The following ZFAND6 variants were observed in gnomAD, a reference collection of about 807,000 sequenced individuals.
The protein encoded by ZFAND6 is zinc finger AN1-type containing 6.
ZFAND6 carries 12 observed loss-of-function variants against 24.5 expected under a neutral mutation model. That is an observed-to-expected ratio of 0.49 (90% confidence interval 0.31 to 0.79). The LOEUF is 0.79. ZFAND6 is among the 30% of genes least tolerant of loss of function. ZFAND6 has a pLI of 0.04. For missense variants in ZFAND6, 207 were observed against 245.9 expected, an observed-to-expected ratio of 0.84 and a Z score of 1.06; for synonymous variants, 92 against 81.5, an observed-to-expected ratio of 1.13 and a Z score of -0.69.
chr15:80,108,355 G>GA (rs1322638415), intron 2 of ZFAND6, among the ~76,000 whole-genome samples: 1 of 152,092 alleles, frequency 6.6e-6, no homozygotes, highest in Non-Finnish European at 1.5e-5. Context: ...CTACATAGTT[G>GA]AATTAAAAGC....
At chr15:80,134,113 T>C (rs1284133559) in intron 6 of ZFAND6, among the ~76,000 whole-genome samples, 1 of 151,638 alleles carries the variant, frequency 6.6e-6, no homozygotes, top group Non-Finnish European at 1.5e-5. Flanking sequence ...TCAGCCTCCC[T>C]AGTAGCTGGG....
chr15:80,110,286 C>T (rs2039542396), intron 2 of ZFAND6, among the ~76,000 whole-genome samples: 1 of 152,086 alleles, frequency 6.6e-6, no homozygotes, highest in African/African-American at 2.4e-5. Flanking sequence ...GAGGCTGGAA[C>T]AAACAGACAG....
intron 1 of ZFAND6, among the ~76,000 whole-genome samples, chr15:80,083,571 A>G (rs753654371): frequency 5.3e-5 from 8 of 152,216 alleles, no homozygotes; most frequent in Non-Finnish European, 1.0e-4. Context: ...ATGTTAGGTA[A>G]GCCTTGTAAC....
intron 1 of ZFAND6, among the ~76,000 whole-genome samples, chr15:80,064,412 A>G (rs969281929): frequency 2.0e-5 from 3 of 151,998 alleles, no homozygotes; most frequent in Non-Finnish European, 4.4e-5. Flanking sequence ...ATCATCATAT[A>G]TTTCTTTAAT....
chr15:80,080,153 A>G lies in ZFAND6; in HGVS notation c.-180-18263A>G, dbSNP rs142053262. ...GCTGGGATTACAGGCACCCACCATC[A>G]TGACCAGCTAATTTTTGTATTTTAG... On this transcript the variant is annotated intron_variant, in intron 1 of 6. Transcript: ENST00000261749. 3.9e-3 allele frequency among the ~76,000 whole-genome samples: 599 copies of G among 151,936 alleles called. 4 individuals carry two copies. Among genetic ancestry groups the G allele is most frequent in the African/African-American group, 0.014 (582 of 41,448 alleles).
chr15:80,123,083 CT>C (rs1320751428), intron 5 of ZFAND6: 1 of 250,254 alleles, frequency 4.0e-6, no homozygotes, highest in African/African-American at 2.3e-5. Context: ...TTCTCTTTTA[CT>C]ATTTTGGCCG....
At chr15:80,108,405 G>GATCA (rs2039445828) in intron 2 of ZFAND6, among the ~76,000 whole-genome samples, 1 of 152,072 alleles carries the variant, frequency 6.6e-6, no homozygotes, top group Admixed American at 6.5e-5. Flanking sequence ...TAGATAGATC[G>GATCA]ATCAATCTGT....
At chr15:80,113,285 T>G (rs1283335854) in intron 2 of ZFAND6, among the ~76,000 whole-genome samples, 1 of 152,204 alleles carries the variant, frequency 6.6e-6, no homozygotes, top group Non-Finnish European at 1.5e-5. Flanking sequence ...TCCAATATTG[T>G]CAGATCTTCC....
At chr15:80,090,866 ATT>A (rs774553585) in intron 1 of ZFAND6, among the ~76,000 whole-genome samples, 1 of 152,172 alleles carries the variant, frequency 6.6e-6, no homozygotes, top group African/African-American at 2.4e-5. Context: ...GGTCTTCTAA[ATT>A]TTTGGAATAT....
chr15:80,085,237 A>G (rs1387202675), intron 1 of ZFAND6, among the ~76,000 whole-genome samples: 1 of 152,194 alleles, frequency 6.6e-6, no homozygotes, highest in Non-Finnish European at 1.5e-5. Context: ...ACGTTCATTT[A>G]GAATTTTTGT....
chr15:80,060,564 G>T (rs1329792342), intron 1 of ZFAND6: 2 of 152,188 alleles, frequency 1.3e-5, no homozygotes, highest in African/African-American at 2.4e-5. Context: ...GTAACCAGTT[G>T]TGAGGAAGTT....
chr15:80,102,918 A>G (rs546141041), intron 2 of ZFAND6, among the ~76,000 whole-genome samples: 1 of 152,246 alleles, frequency 6.6e-6, no homozygotes, highest in Non-Finnish European at 1.5e-5. Flanking sequence ...GGATTATTTT[A>G]AAAATCTTTG....
intron 2 of ZFAND6, among the ~76,000 whole-genome samples, chr15:80,104,031 T>G (rs2039177750): frequency 6.6e-6 from 1 of 152,116 alleles, no homozygotes; most frequent in African/African-American, 2.4e-5. Flanking sequence ...TTATTCTTTG[T>G]AGAGACGGGG....
At position 80,128,529 on chromosome 15, in the gene ZFAND6, T is replaced by G. The variant is rs2040465783; in HGVS notation, c.365-2651T>G. On this transcript the variant is annotated intron_variant, in intron 5 of 6. Transcript: ENST00000261749. ...ATAAGGTATTCCTTGGTCTTAAAAC[T>G]CACATAAAAACTGAGGAAACAGGAT... Among the ~76,000 whole-genome samples the G allele has an allele frequency of 5.3e-5, 8 of 152,082 alleles. No homozygotes were observed. The South Asian group carries it at 1.7e-3, about 31-fold the overall frequency.
chr15:80,127,359 G>T lies in ZFAND6; in HGVS notation c.365-3821G>T, dbSNP rs190930086. ...TCCCAGCACTTTGGGAGGCTGAGGC[G>T]GGCGGATCACCTTAAGTCAGGAGTT... On this transcript the variant is annotated intron_variant, in intron 5 of 6. Coordinates refer to ENST00000261749, the MANE Select transcript of ZFAND6 (RefSeq NM_019006.4). 1.6e-4 allele frequency among the ~76,000 whole-genome samples: 25 copies of T among 152,002 alleles called. No homozygotes were observed. In the South Asian group the frequency reaches 5.0e-3, roughly 30 times the overall value.
At chr15:80,074,142 TTGA>T (rs1447122188) in intron 1 of ZFAND6, among the ~76,000 whole-genome samples, 3 of 152,034 alleles carry the variant, frequency 2.0e-5, no homozygotes, top group Middle Eastern at 3.4e-3. Flanking sequence ...CTCTGACTTG[TTGA>T]TTAGTTTTTG....
At chr15:80,095,630 A>G (rs2038674176) in intron 1 of ZFAND6, among the ~76,000 whole-genome samples, 1 of 152,218 alleles carries the variant, frequency 6.6e-6, no homozygotes. Flanking sequence ...ATTTAATTGT[A>G]GGAGCTCAGT....
In ZFAND6 at chr15:80,122,755, A is replaced by G; in HGVS notation, c.319A>G (p.Ser107Gly). 1 of 1,613,788 alleles carries G rather than the reference A, an allele frequency of 6.2e-7. No homozygotes were observed. Among genetic ancestry groups the G allele is most frequent in the Non-Finnish European group, 8.5e-7 (1 of 1,179,842 alleles). Residue 107 changes from serine (S) to glycine (G), a missense_variant, in exon 5 of 7, where the codon AGT (serine) becomes GGT (glycine). Transcript: ENST00000261749. ...ATCTGTAGCATCTTCTCAATTGGAC[A>G]GTACATCTGTGGACAAAGCAGTACC... ...SESVASSQLDSTSVDKAVPET... is the reference protein window; with the variant it reads ...SESVASSQLDGTSVDKAVPET...
chr15:80,106,336 A>G (rs2039323384), intron 2 of ZFAND6, among the ~76,000 whole-genome samples: 1 of 152,190 alleles, frequency 6.6e-6, no homozygotes, highest in African/African-American at 2.4e-5. Context: ...CACCAAATCC[A>G]TTCTAGTCAC....
Sources: allele counts gnomAD v4.1 joint callset (sites outside exome capture counted in the v4.1 genomes callset), GRCh38; gene constraint gnomAD v4.1.1; transcripts MANE v1.5; gene names NCBI Gene and HGNC (gene_info 2026-07-23, HGNC 2026-07-21).